PTPRO: variants seen among roughly 807,000 people sequenced by gnomAD.
PTPRO encodes the protein protein tyrosine phosphatase receptor type O.
A neutral mutation model predicts 145.2 loss-of-function variants in PTPRO; 62 were observed. The ratio of observed to expected loss-of-function variants is 0.43; its 90% CI spans 0.35 to 0.53. The LOEUF is 0.53. Among genes scored for constraint, PTPRO ranks in the 20% least tolerant of loss-of-function variants. The pLI is 0.01. For missense variants in PTPRO, 1,345 were observed against 1,482.7 expected (o/e 0.91, Z 1.53); for synonymous variants, 565 against 514.7 (o/e 1.10, Z -1.32).
At chr12:15,498,455 G>A (rs893407762) in intron 3 of PTPRO, among the ~76,000 whole-genome samples, 3 of 152,172 alleles carry the variant, frequency 2.0e-5, no homozygotes, top group African/African-American at 7.2e-5. Flanking sequence ...ATACTCAGGA[G>A]GCTGAGGCAG....
chr12:15,450,498 G>A (rs780888330), intron 1 of PTPRO, among the ~76,000 whole-genome samples: 1 of 152,144 alleles, frequency 6.6e-6, no homozygotes, highest in Non-Finnish European at 1.5e-5. Context: ...TTTAGGCCAG[G>A]CATGGTGGCT....
In PTPRO at chr12:15,549,233, A is replaced by T; in HGVS notation, c.2437+7A>T. The T allele has an allele frequency of 1.9e-6, 3 of 1,596,524 alleles. No individual in the cohort carries two copies. The highest frequency in any genetic ancestry group is 2.6e-6 in the Non-Finnish European group (3 of 1,172,770). ...ATAGCCGTCTCAACAATGGGTAATT[A>T]TACACATTAGTGTATAATTTTCTCA... On this transcript the variant is annotated splice_region_variant and intron_variant, in intron 14 of 26. Transcript: ENST00000281171.
chr12:15,557,664 A>G, intron 16 of PTPRO, 141 bp downstream of exon 16: 1 of 743,658 alleles, frequency 1.3e-6, no homozygotes, highest in South Asian at 1.5e-5. Flanking sequence ...CAATGGCTAG[A>G]TCTTCACAGA....
intron 1 of PTPRO, among the ~76,000 whole-genome samples, chr12:15,424,958 A>G (rs1194343726): frequency 6.6e-6 from 1 of 152,146 alleles, no homozygotes; most frequent in Non-Finnish European, 1.5e-5. Context: ...CTTTCTTCTT[A>G]AAGCTGCAGT....
chr12:15,526,110 A>G (rs1565685135), intron 11 of PTPRO, 32 bp from the exon 12 acceptor site: 1 of 1,613,644 alleles, frequency 6.2e-7, no homozygotes, highest in Non-Finnish European at 8.5e-7. Context: ...ATTCACTAAA[A>G]GTTTAAACCC....
chr12:15,485,601 A>G (rs1941869652), intron 2 of PTPRO, among the ~76,000 whole-genome samples: 1 of 152,196 alleles, frequency 6.6e-6, no homozygotes, highest in Admixed American at 6.6e-5. Flanking sequence ...TAAGGCACAA[A>G]GAAAAATAGA....
At chr12:15,487,591 C>A (rs183286859) in intron 2 of PTPRO, among the ~76,000 whole-genome samples, 1 of 152,078 alleles carries the variant, frequency 6.6e-6, no homozygotes, top group African/African-American at 2.4e-5. Context: ...CATCCCCAGC[C>A]CCCCAGAGGG....
intron 12 of PTPRO, among the ~76,000 whole-genome samples, chr12:15,537,684 T>G (rs1294716559): frequency 6.6e-6 from 1 of 152,196 alleles, no homozygotes; most frequent in East Asian, 1.9e-4. Context: ...TTTATTTTGT[T>G]TTCTTTAAGT....
chr12:15,419,725 G>A (rs536306020), intron 1 of PTPRO, among the ~76,000 whole-genome samples: 2 of 147,238 alleles, frequency 1.4e-5, no homozygotes, highest in Admixed American at 6.7e-5. Context: ...GTCAAAGCTA[G>A]TTCTTTGGTG....
At chr12:15,593,784 G>T (rs907258015) in intron 25 of PTPRO, among the ~76,000 whole-genome samples, 1 of 152,084 alleles carries the variant, frequency 6.6e-6, no homozygotes, top group Non-Finnish European at 1.5e-5. Flanking sequence ...TAGGTAAAAT[G>T]GACTGCCTCA....
chr12:15,328,913 C>T (rs979052059), intron 1 of PTPRO, among the ~76,000 whole-genome samples: 2 of 152,168 alleles, frequency 1.3e-5, no homozygotes, highest in East Asian at 1.9e-4. Context: ...AATAGGAATG[C>T]AATTTATCTA....
intron 1 of PTPRO, among the ~76,000 whole-genome samples, chr12:15,408,523 G>T (rs990496770): frequency 6.6e-6 from 1 of 152,120 alleles, no homozygotes; most frequent in Non-Finnish European, 1.5e-5. Context: ...CGCCTCCTGG[G>T]TTCAAGTCAT....
chr12:15,353,912 G>T (rs1937894811), intron 1 of PTPRO, among the ~76,000 whole-genome samples: 1 of 152,112 alleles, frequency 6.6e-6, no homozygotes, highest in Admixed American at 6.6e-5. Context: ...ATGCTTCAGG[G>T]TCTTCATCCC....
intron 1 of PTPRO, chr12:15,348,551 G>A (rs1042135521): frequency 6.6e-6 from 1 of 152,164 alleles, no homozygotes; most frequent in Non-Finnish European, 1.5e-5. Context: ...GAGGTCAGGA[G>A]ATCGAGACCA....
At chr12:15,527,108 C>A (rs995714947) in intron 12 of PTPRO, among the ~76,000 whole-genome samples, 2 of 152,118 alleles carry the variant, frequency 1.3e-5, no homozygotes, top group African/African-American at 4.8e-5. Context: ...CCCCTCTACC[C>A]AACAGAAAAC....
At chr12:15,377,826 C>G (rs1938732960) in intron 1 of PTPRO, among the ~76,000 whole-genome samples, 1 of 151,634 alleles carries the variant, frequency 6.6e-6, no homozygotes, top group Admixed American at 6.6e-5. Context: ...AAATCGGAAA[C>G]CAATAACAGA....
intron 16 of PTPRO, 107 bp downstream of exon 16, chr12:15,557,630 G>A: frequency 6.1e-6 from 6 of 978,792 alleles, no homozygotes; most frequent in Non-Finnish European, 9.8e-6. Flanking sequence ...TTATCCTTTT[G>A]TAATTTCGGT....
chr12:15,411,161 T>C (rs1939787984), intron 1 of PTPRO, among the ~76,000 whole-genome samples: 1 of 152,214 alleles, frequency 6.6e-6, no homozygotes, highest in Non-Finnish European at 1.5e-5. Context: ...TGTTTGATAA[T>C]TTAACATGTA....
chr12:15,450,069 C>T (rs890615989), intron 1 of PTPRO, among the ~76,000 whole-genome samples: 16 of 152,168 alleles, frequency 1.1e-4, no homozygotes, highest in African/African-American at 3.6e-4. Context: ...TTGTCATGCT[C>T]TCTATGTTAT....
Sources: allele counts gnomAD v4.1 joint callset (sites outside exome capture counted in the v4.1 genomes callset), GRCh38; gene constraint gnomAD v4.1.1; transcripts MANE v1.5; gene names NCBI Gene and HGNC (gene_info 2026-07-23, HGNC 2026-07-21).